NF1: variants seen among roughly 807,000 people sequenced by gnomAD.
The protein encoded by NF1 is neurofibromin 1.
NF1 carries 122 observed loss-of-function variants against 325.7 expected under a neutral mutation model. That is an observed-to-expected ratio of 0.37 (90% CI 0.32 to 0.44). The LOEUF (loss-of-function observed/expected upper bound fraction) is 0.44. Among genes scored for constraint, NF1 ranks in the 20% least tolerant of loss-of-function variants. NF1 has a pLI of 1.00. For synonymous variants in NF1, 1,091 were observed against 1,186.0 expected (o/e 0.92, Z 1.65); for missense variants, 2,140 against 3,415.4 (o/e 0.63, Z 9.31).
At position 31,374,237 on chromosome 17, in the gene NF1, C is replaced by G. The variant is rs2151601926; in HGVS notation, c.*82C>G. On this transcript the variant is annotated 3_prime_UTR_variant, in exon 58 of 58. Transcript: ENST00000358273. ...CCTTCCCTGTCCTTGCCCTTTCCCC[C>G]CATGTTGTAATGCTGCACTTCCTGT... 6.3e-7 allele frequency: 1 copy of G among 1,577,306 alleles called. No homozygotes were observed.
chr17:31,196,336 C>T (rs913314230), intron 8 of NF1, among the ~76,000 whole-genome samples: 2 of 151,804 alleles, frequency 1.3e-5, no homozygotes, highest in African/African-American at 2.4e-5. Flanking sequence ...CTTGGTTCAT[C>T]TATTTTCAGT....
At chr17:31,157,994 A>G (rs2065695957) in intron 2 of NF1, among the ~76,000 whole-genome samples, 1 of 152,112 alleles carries the variant, frequency 6.6e-6, no homozygotes, top group African/African-American at 2.4e-5. Context: ...TATAATGTTA[A>G]CATAGTCATT....
Position 31,101,714 on chromosome 17 carries a change from A to ATTTT in NF1, c.60+6354_60+6357dup, listed in dbSNP as rs939126536. Among the ~76,000 whole-genome samples, 5 of 141,538 alleles carry ATTTT rather than the reference A, an allele frequency of 3.5e-5. No individual in the cohort carries two copies. The East Asian group carries it at 1.0e-3, about 29-fold the overall frequency. The allele number at this position is 141,538 out of a possible 152,430, so 92.9% of individuals were successfully genotyped here. The stretch of plus-strand genomic sequence containing the variant: ...TCCTTCAATGTTCAGCTCAGATTTC[A>ATTTT]TTTTTTTTTTTTCCCCATGAGGTTG... On this transcript the variant is annotated intron_variant, in intron 1 of 57. Transcript: ENST00000358273.
chr17:31,357,111 A>T (rs2151582646), intron 53 of NF1, 21 bp downstream of exon 53: 1 of 1,612,582 alleles, frequency 6.2e-7, no homozygotes, highest in Non-Finnish European at 8.5e-7. Context: ...CCCCTTTTTG[A>T]GTCCCCCACC....
At chr17:31,140,911 C>T (rs564949769) in intron 1 of NF1, among the ~76,000 whole-genome samples, 7 of 152,000 alleles carry the variant, frequency 4.6e-5, no homozygotes, top group South Asian at 2.1e-4. Context: ...GTCAAGTATA[C>T]GGAGACAGAG....
intron 1 of NF1, among the ~76,000 whole-genome samples, chr17:31,106,660 G>A (rs1213329642): frequency 1.3e-5 from 2 of 152,156 alleles, no homozygotes; most frequent in Non-Finnish European, 2.9e-5. Context: ...ATCTTTTCAA[G>A]TTGGTTAGAT....
intron 54 of NF1, chr17:31,357,600 T>A: frequency 5.3e-6 from 3 of 565,096 alleles, no homozygotes. Flanking sequence ...TTTAAGTGGT[T>A]TATTTTGATG....
intron 36 of NF1, chr17:31,305,042 TG>T: frequency 1.2e-6 from 2 of 1,614,244 alleles, no homozygotes; most frequent in Non-Finnish European, 1.7e-6. Context: ...TGTTTGTTAC[TG>T]GTAGTATCTA....
rs1420478872 is a variant in NF1, at chr17:31,233,340, G to T, written c.3708+127G>T. On this transcript the variant is annotated intron_variant, in intron 27 of 57. Transcript: ENST00000358273. ...TTCAGAGCCAGAAGAAAGATGTTTA[G>T]TTAGGTGATTTTTCAGCTGTAGGGA... The T allele has an allele frequency of 1.1e-5, 11 of 975,808 alleles. No individual in the cohort carries two copies. The South Asian group carries it at 1.4e-4, about 12-fold the overall frequency. The allele number at this position is 975,808 out of a possible 1,614,324, so 60.4% of individuals were successfully genotyped here. A position where few individuals can be genotyped will look rare whatever the true frequency, so the allele number is the denominator to read the frequency against.
At chr17:31,195,468 GCAAT>G (rs2066419015) in intron 8 of NF1, among the ~76,000 whole-genome samples, 1 of 152,066 alleles carries the variant, frequency 6.6e-6, no homozygotes. Flanking sequence ...ACATCGTTGT[GCAAT>G]CAATCTCCAA....
At chr17:31,339,438 C>T (rs764713247) in intron 46 of NF1, among the ~76,000 whole-genome samples, 7 of 152,038 alleles carry the variant, frequency 4.6e-5, no homozygotes, top group African/African-American at 9.7e-5. Context: ...GAAAAAGATT[C>T]GATAATGGCA....
intron 29 of NF1, among the ~76,000 whole-genome samples, chr17:31,245,456 A>G (rs1310619015): frequency 1.3e-5 from 2 of 152,204 alleles, no homozygotes; most frequent in African/African-American, 4.8e-5. Flanking sequence ...CCCATAGGAT[A>G]AGGGCTGAGT....
intron 38 of NF1, among the ~76,000 whole-genome samples, chr17:31,329,589 C>T (rs1475078296): frequency 7.2e-5 from 11 of 152,112 alleles, no homozygotes; most frequent in African/African-American, 2.4e-4. Flanking sequence ...TAGGCTGTCT[C>T]CTAAATTGCT....
rs750358089 is a variant in NF1, at chr17:31,169,936, T to C, written c.525T>C (p.His175=). The change falls in exon 5 of 58, where the codon CAT becomes CAC. Residue 175 remains histidine, a synonymous_variant. Transcript: ENST00000358273. ...TVCSEDNVDV[H]DIELLQYINV... ...GTTCAGAAGACAATGTTGATGTTCA[T>C]GATATAGAATTGTTACAGTATATCA... 2 of 1,613,248 alleles carry C rather than the reference T, an allele frequency of 1.2e-6. No individual in the cohort carries two copies. Among genetic ancestry groups the C allele is most frequent in the Admixed American group, 1.7e-5 (1 of 60,020 alleles).
Position 31,227,200 on chromosome 17 carries a change from G to T in NF1, c.2252-18G>T, listed in dbSNP as rs754583248. 1 of 1,613,062 alleles carries T rather than the reference G, an allele frequency of 6.2e-7. No homozygotes were observed. Among genetic ancestry groups the T allele is most frequent in the Admixed American group, 1.7e-5 (1 of 59,976 alleles). On this transcript the variant is annotated intron_variant, in intron 18 of 57. Coordinates refer to ENST00000358273, the MANE Select transcript of NF1 (RefSeq NM_001042492.3). ...GGCTCTAAGTGCAGTAACTTGATTT[G>T]CTGTTGTATTTGCTTAGGAAGAGCA...
chr17:31,184,501 T>C lies in NF1; in HGVS notation c.888+1836T>C, dbSNP rs1047311195. 7.3e-5 allele frequency among the ~76,000 whole-genome samples: 11 copies of C among 149,928 alleles called. No homozygotes were observed. In the East Asian group the frequency reaches 2.0e-3, roughly 27 times the overall value. On this transcript the variant is annotated intron_variant, in intron 8 of 57. Transcript: ENST00000358273. ...TGTCTCTACTAAAAATACAAAAAATTAGCCGGGCGAGGTGGCGGGCGCCTG... is the reference window on the plus strand; with the variant it reads ...TGTCTCTACTAAAAATACAAAAAATCAGCCGGGCGAGGTGGCGGGCGCCTG...
chr17:31,097,830 G>A (rs1355833865), intron 1 of NF1, among the ~76,000 whole-genome samples: 2 of 152,058 alleles, frequency 1.3e-5, no homozygotes, highest in African/African-American at 4.8e-5. Context: ...CCAAGTAGCT[G>A]GGATTACAGG....
chr17:31,117,705 GA>G (rs1302841931), intron 1 of NF1, among the ~76,000 whole-genome samples: 1 of 59,198 alleles, frequency 1.7e-5, no homozygotes, highest in Non-Finnish European at 4.9e-5. Context: ...AAAAAAAAAG[GA>G]ATAGTGATTT....
chr17:31,245,266 G>A (rs16972116), intron 29 of NF1, among the ~76,000 whole-genome samples: 2 of 152,148 alleles, frequency 1.3e-5, no homozygotes, highest in African/African-American at 4.8e-5. Flanking sequence ...TAGCTTAACT[G>A]TTCTCCCTGC....
Sources: allele counts gnomAD v4.1 joint callset (sites outside exome capture counted in the v4.1 genomes callset), GRCh38; gene constraint gnomAD v4.1.1; transcripts MANE v1.5; gene names NCBI Gene and HGNC (gene_info 2026-07-23, HGNC 2026-07-21).